Variants in ATP10B observed in about 807,000 individuals in gnomAD.
The protein encoded by ATP10B is ATPase phospholipid transporting 10B (putative).
A neutral mutation model predicts 141.2 loss-of-function variants in ATP10B; 122 were observed. The observed-to-expected ratio is 0.86, with a 90% confidence interval of 0.75 to 1.00. The LOEUF (loss-of-function observed/expected upper bound fraction) is 1.00, where lower values mean the gene tolerates loss of function less well. Ranked by LOEUF, ATP10B falls within the 50% of genes least tolerant of loss-of-function variation. The pLI is 0.00. For missense variants in ATP10B, 1,876 were observed against 1,825.3 expected (o/e 1.03, Z -0.51); for synonymous variants, 685 against 692.0 (o/e 0.99, Z 0.16).
At chr5:160,862,115 A>G in the ATP10B span, among the ~76,000 whole-genome samples, 1 of 151,952 alleles carries the variant, frequency 6.6e-6, no homozygotes, top group South Asian at 2.1e-4. Context: ...TTTTGGGACT[A>G]TGGTGGTTAG....
the ATP10B span, among the ~76,000 whole-genome samples, chr5:160,904,282 A>G: frequency 6.6e-6 from 1 of 152,168 alleles, no homozygotes; most frequent in Non-Finnish European, 1.5e-5. Flanking sequence ...CTAGCTAGGT[A>G]ACCTACTTAA....
the ATP10B span, among the ~76,000 whole-genome samples, chr5:160,886,039 G>A: frequency 3.6e-3 from 546 of 152,214 alleles, 3 homozygotes; most frequent in African/African-American, 0.013. Flanking sequence ...GAAAATCACC[G>A]AAGAATCAGA....
At chr5:160,568,341 GCAAGAGAACCTAGGGA>G (rs1239638124) in intron 25 of ATP10B, among the ~76,000 whole-genome samples, 1 of 152,102 alleles carries the variant, frequency 6.6e-6, no homozygotes, top group East Asian at 1.9e-4. Context: ...GAACCTAGGG[GCAAGAGAACCTAGGGA>G]CAAGAGAAAC....
intron 2 of ATP10B, among the ~76,000 whole-genome samples, chr5:160,743,109 A>G (rs767479987): frequency 6.6e-6 from 1 of 152,178 alleles, no homozygotes; most frequent in Non-Finnish European, 1.5e-5. Context: ...CCACAACCCT[A>G]TGGGACTGGC....
chr5:160,868,818 A>G, the ATP10B span, among the ~76,000 whole-genome samples: 1 of 152,184 alleles, frequency 6.6e-6, no homozygotes, highest in African/African-American at 2.4e-5. Context: ...GCAGATTAAG[A>G]AAATCAAGAT....
At chr5:160,616,273 A>G (rs753159951) in intron 16 of ATP10B, among the ~76,000 whole-genome samples, 2 of 152,162 alleles carry the variant, frequency 1.3e-5, no homozygotes, top group African/African-American at 4.8e-5. Context: ...AATTTAAAAT[A>G]GTTATTTCAG....
intron 1 of ATP10B, among the ~76,000 whole-genome samples, chr5:160,816,474 G>A (rs562770199): frequency 6.6e-6 from 1 of 152,148 alleles, no homozygotes; most frequent in South Asian, 2.1e-4. Context: ...TCTCTGAATA[G>A]ACCAATAACA....
At chr5:160,768,541 T>A (rs1487591245) in intron 2 of ATP10B, among the ~76,000 whole-genome samples, 2 of 152,320 alleles carry the variant, frequency 1.3e-5, no homozygotes, top group East Asian at 3.9e-4. Context: ...ATCAGTACCA[T>A]GGCATTAGGC....
At chr5:160,912,645 G>C in the ATP10B span, among the ~76,000 whole-genome samples, 2 of 141,002 alleles carry the variant, frequency 1.4e-5, no homozygotes, top group Non-Finnish European at 3.1e-5. Flanking sequence ...AAGGAGTAAA[G>C]AGAAGAGAGA....
chr5:160,878,566 A>G, the ATP10B span, among the ~76,000 whole-genome samples: 12 of 151,706 alleles, frequency 7.9e-5, no homozygotes, highest in Non-Finnish European at 1.0e-4. Context: ...GCTTCTGCAC[A>G]GCAAAAGAAA....
At chr5:160,586,553 A>T (rs529256633) in intron 24 of ATP10B, among the ~76,000 whole-genome samples, 1 of 152,250 alleles carries the variant, frequency 6.6e-6, no homozygotes, top group Non-Finnish European at 1.5e-5. Context: ...GAATAACCAC[A>T]CTGTCTTCCA....
At chr5:160,859,380 AT>A in the ATP10B span, among the ~76,000 whole-genome samples, 3 of 151,556 alleles carry the variant, frequency 2.0e-5, no homozygotes, top group African/African-American at 7.3e-5. Flanking sequence ...TGGTTTCAAT[AT>A]TTTTTTCTTT....
chr5:160,615,268 T>C (rs1199722975), intron 17 of ATP10B, among the ~76,000 whole-genome samples: 3 of 151,980 alleles, frequency 2.0e-5, no homozygotes, highest in East Asian at 3.9e-4. Flanking sequence ...AGGCCTTCAA[T>C]TGGGTCCTCC....
At chr5:160,762,141 T>C (rs529423813) in intron 2 of ATP10B, among the ~76,000 whole-genome samples, 59 of 152,210 alleles carry the variant, frequency 3.9e-4, no homozygotes, top group Non-Finnish European at 7.9e-4. Flanking sequence ...GAAAAACTTA[T>C]TTGAGGGAAT....
chr5:160,892,501 T>C, the ATP10B span, among the ~76,000 whole-genome samples: 1 of 152,248 alleles, frequency 6.6e-6, no homozygotes, highest in African/African-American at 2.4e-5. Context: ...TTTGTTTTCC[T>C]TTAAAAAGTG....
intron 2 of ATP10B, among the ~76,000 whole-genome samples, chr5:160,746,767 A>G (rs1191095013): frequency 6.6e-6 from 1 of 152,116 alleles, no homozygotes; most frequent in Non-Finnish European, 1.5e-5. Flanking sequence ...GGCATCCTAT[A>G]CCTCTGAATA....
At chr5:160,800,997 T>C (rs865846755) in intron 1 of ATP10B, among the ~76,000 whole-genome samples, 24 of 152,326 alleles carry the variant, frequency 1.6e-4, no homozygotes, top group Admixed American at 3.9e-4. Context: ...TTTGACATGC[T>C]GTAGAATCCT....
the ATP10B span, among the ~76,000 whole-genome samples, chr5:160,891,077 G>A: frequency 6.6e-6 from 1 of 152,116 alleles, no homozygotes; most frequent in Non-Finnish European, 1.5e-5. Context: ...CTAAGGAGTG[G>A]AACTGTGGAA....
intron 1 of ATP10B, among the ~76,000 whole-genome samples, chr5:160,849,269 T>C (rs1753646089): frequency 6.6e-6 from 1 of 152,178 alleles, no homozygotes; most frequent in Non-Finnish European, 1.5e-5. Flanking sequence ...ATTCTTGTGT[T>C]CCTGTGTCAC....
Sources: gnomAD v4.1 joint callset for allele counts (sites outside exome capture counted in the v4.1 genomes callset) on GRCh38, gnomAD v4.1.1 for gene constraint, MANE v1.5 for transcripts, NCBI Gene and HGNC (gene_info 2026-07-23, HGNC 2026-07-21) for gene names.